FER: variants seen among roughly 807,000 people sequenced by gnomAD.
The protein encoded by FER is FER tyrosine kinase.
A neutral mutation model predicts 111.0 loss-of-function variants in FER; 63 were observed. That is an observed-to-expected ratio of 0.57 (90% CI 0.46 to 0.70). The LOEUF is 0.70. Ranked by LOEUF, FER falls within the 30% of genes least tolerant of loss-of-function variation. The pLI, the probability that FER is intolerant of heterozygous loss-of-function variation, is 0.00. For synonymous variants in FER, 327 were observed against 313.9 expected, an observed-to-expected ratio of 1.04 and a Z score of -0.44; for missense variants, 914 against 954.0, an observed-to-expected ratio of 0.96 and a Z score of 0.55.
intron 16 of FER, chr5:109,052,201 G>A: frequency 6.2e-7 from 1 of 1,607,534 alleles, no homozygotes. Context: ...TATGGGTACA[G>A]ACACAAATAT....
chr5:109,003,420 A>G (rs1485981162), intron 13 of FER, among the ~76,000 whole-genome samples: 1 of 152,140 alleles, frequency 6.6e-6, no homozygotes, highest in Non-Finnish European at 1.5e-5. Flanking sequence ...GAACAATGAG[A>G]ACACATGGAC....
At chr5:108,950,241 T>G (rs1757538132) in intron 11 of FER, among the ~76,000 whole-genome samples, 2 of 152,178 alleles carry the variant, frequency 1.3e-5, no homozygotes, top group African/African-American at 4.8e-5. Context: ...GAAAGAATTG[T>G]GTACTAATGC....
At chr5:109,183,206 C>T (rs1303461754) in intron 18 of FER, among the ~76,000 whole-genome samples, 2 of 151,260 alleles carry the variant, frequency 1.3e-5, no homozygotes, top group African/African-American at 2.4e-5. Flanking sequence ...GTTTAGTTCC[C>T]ACAGACTACA....
intron 10 of FER, among the ~76,000 whole-genome samples, chr5:108,944,773 A>T (rs369711275): frequency 1.3e-5 from 2 of 151,964 alleles, no homozygotes; most frequent in Non-Finnish European, 2.9e-5. Context: ...GATTGCTGCT[A>T]TATGAAACTT....
chr5:109,187,696 T>TATTA lies in FER; in HGVS notation c.*123_*126dup. The TATTA allele has an allele frequency of 8.1e-7, 1 of 1,233,064 alleles. No homozygotes were observed. The highest frequency in any genetic ancestry group is 1.4e-5 in the South Asian group (1 of 69,012). The allele number at this position is 1,233,064 out of a possible 1,614,324, so 76.4% of individuals were successfully genotyped here. On this transcript the variant is annotated 3_prime_UTR_variant, in exon 20 of 20. Coordinates refer to ENST00000281092, the MANE Select transcript of FER (RefSeq NM_005246.4). ...TCGACAGTCTTCTACCATTATTTTT[T>TATTA]ATTAACTGGGTGTTTTAAAAGTACG...
chr5:108,988,773 G>A (rs1285145806), intron 13 of FER, among the ~76,000 whole-genome samples: 3 of 151,876 alleles, frequency 2.0e-5, no homozygotes, highest in Non-Finnish European at 2.9e-5. Context: ...GTTGGTTTTG[G>A]TGTTATTTGT....
intron 16 of FER, among the ~76,000 whole-genome samples, chr5:109,069,283 G>A (rs561608559): frequency 6.6e-6 from 1 of 152,270 alleles, no homozygotes; most frequent in South Asian, 2.1e-4. Context: ...ATTTGTAATA[G>A]GCAAGAGTTT....
At chr5:109,131,175 A>G (rs145826450) in intron 17 of FER, among the ~76,000 whole-genome samples, 235 of 152,314 alleles carry the variant, frequency 1.5e-3, no homozygotes, top group Middle Eastern at 6.8e-3. Flanking sequence ...TCACAAGTTC[A>G]AAATTGTAGG....
chr5:108,915,231 G>A (rs1752107055), intron 10 of FER, among the ~76,000 whole-genome samples: 1 of 152,154 alleles, frequency 6.6e-6, no homozygotes, highest in South Asian at 2.1e-4. Flanking sequence ...CCAGCACTTT[G>A]GGAGGCTGAG....
At chr5:109,022,966 G>A (rs1253894555) in intron 13 of FER, among the ~76,000 whole-genome samples, 3 of 152,092 alleles carry the variant, frequency 2.0e-5, no homozygotes, top group Non-Finnish European at 4.4e-5. Context: ...CATTACTGGA[G>A]GGATTTAATG....
rs1561867417 is a variant in FER at position 109,078,902 on chromosome 5, G to A, written c.1925-21494G>A. Among the ~76,000 whole-genome samples the A allele has an allele frequency of 3.3e-5, 5 of 152,166 alleles. No homozygotes were observed. The South Asian group carries it at 1.0e-3, about 32-fold the overall frequency. ...TGGGTTTTAATATATAGCTTACCAG[G>A]TAAATCTTTTTGCCAAAATTCTTAC... is the stretch of plus-strand genomic sequence containing the variant. On this transcript the variant is annotated intron_variant, in intron 16 of 19. Transcript: ENST00000281092.
At chr5:109,122,193 A>C (rs1751063516) in intron 17 of FER, among the ~76,000 whole-genome samples, 1 of 151,972 alleles carries the variant, frequency 6.6e-6, no homozygotes, top group Non-Finnish European at 1.5e-5. Context: ...CACTTTGTTG[A>C]TATAGGCCCT....
In FER at chr5:109,075,647, T is replaced by G. The variant is rs150019083; in HGVS notation, c.1925-24749T>G. Reference sequence around the variant, plus strand: ...ACCGTGTTAGCCAGGATGGTCTCAATCTCCTGACCTCGTGATCCACCCTCC... The same window carrying G: ...ACCGTGTTAGCCAGGATGGTCTCAAGCTCCTGACCTCGTGATCCACCCTCC... On this transcript the variant is annotated intron_variant, in intron 16 of 19. Coordinates refer to ENST00000281092, the MANE Select transcript of FER (RefSeq NM_005246.4). 4.1e-3 allele frequency among the ~76,000 whole-genome samples: 620 copies of G among 152,062 alleles called. 5 individuals are homozygous for G. The highest frequency in any genetic ancestry group is 0.014 in the African/African-American group (578 of 41,484).
intron 2 of FER, among the ~76,000 whole-genome samples, chr5:108,795,874 A>T (rs1755961613): frequency 6.6e-6 from 1 of 152,142 alleles, no homozygotes; most frequent in Admixed American, 6.6e-5. Context: ...CTGGTGCCTT[A>T]ATTTAGTTTG....
chr5:108,867,655 TA>T (rs1764201429), intron 5 of FER, 111 bp from the exon 6 acceptor site: 2 of 1,111,348 alleles, frequency 1.8e-6, no homozygotes, highest in Non-Finnish European at 2.6e-6. Context: ...TTTTTTTGTT[TA>T]AAAAATGCGT....
chr5:109,023,809 A>ATGAC lies in FER; in HGVS notation c.1657-13610_1657-13609insCTGA, dbSNP rs571773096. On this transcript the variant is annotated intron_variant, in intron 13 of 19. Coordinates refer to ENST00000281092, the MANE Select transcript of FER (RefSeq NM_005246.4). ...AAATACTTGTTGATTGAATGAATGA[A>ATGAC]TGAGCAGTTGTGGTTTGCTTAAAAG... Among the ~76,000 whole-genome samples the ATGAC allele has an allele frequency of 9.2e-5, 14 of 152,288 alleles. No individual in the cohort carries two copies. In the South Asian group the frequency reaches 2.9e-3, roughly 32 times the overall value.
At chr5:109,022,864 G>A (rs151336406) in intron 13 of FER, among the ~76,000 whole-genome samples, 1,785 of 152,126 alleles carry the variant, frequency 0.012, 30 homozygotes, top group African/African-American at 0.04. Context: ...AGGAAGGAAT[G>A]AAATAACATA....
intron 3 of FER, among the ~76,000 whole-genome samples, chr5:108,818,658 G>A (rs1333003420): frequency 6.6e-6 from 1 of 152,154 alleles, no homozygotes; most frequent in African/African-American, 2.4e-5. Context: ...ATTATCCAGT[G>A]AGATATTGGG....
chr5:109,116,546 G>T (rs536297517), intron 17 of FER, among the ~76,000 whole-genome samples: 1 of 152,148 alleles, frequency 6.6e-6, no homozygotes, highest in Non-Finnish European at 1.5e-5. Flanking sequence ...GATTCTTTCA[G>T]TTCTAAAGCC....
Sources: allele counts gnomAD v4.1 joint callset (sites outside exome capture counted in the v4.1 genomes callset), GRCh38; gene constraint gnomAD v4.1.1; transcripts MANE v1.5; gene names NCBI Gene and HGNC (gene_info 2026-07-23, HGNC 2026-07-21).